Variants in KIF26B observed in about 807,000 individuals in gnomAD.
KIF26B encodes the protein kinesin family member 26B, also known as kinesin-like protein KIF26B.
In KIF26B, 63 loss-of-function variants were observed where a neutral mutation model predicts 151.2. That is an observed-to-expected ratio of 0.42 (90% CI 0.34 to 0.51). The LOEUF (loss-of-function observed/expected upper bound fraction) is 0.51, where lower values mean the gene tolerates loss of function less well. Ranked by LOEUF, KIF26B falls within the 20% of genes least tolerant of loss-of-function variation. The pLI, the probability that KIF26B is intolerant of heterozygous loss-of-function variation, is 0.07. For synonymous variants in KIF26B, 1,357 were observed against 1,262.1 expected (o/e 1.08, Z -1.59); for missense variants, 2,813 against 2,913.6 (o/e 0.97, Z 0.79).
intron 3 of KIF26B, among the ~76,000 whole-genome samples, chr1:245,391,167 T>G (rs1673690846): frequency 6.6e-6 from 1 of 152,186 alleles, no homozygotes; most frequent in Non-Finnish European, 1.5e-5. Flanking sequence ...AAATGACCTT[T>G]GCATTATGTT....
chr1:245,203,360 T>G (rs10802198), intron 2 of KIF26B, among the ~76,000 whole-genome samples: 1 of 151,996 alleles, frequency 6.6e-6, no homozygotes, highest in Non-Finnish European at 1.5e-5. Flanking sequence ...AGAATGTTTT[T>G]GGATTCACAG....
chr1:245,261,615 A>G (rs1055332744), intron 2 of KIF26B, among the ~76,000 whole-genome samples: 1 of 147,864 alleles, frequency 6.8e-6, no homozygotes, highest in African/African-American at 2.5e-5. Flanking sequence ...GACAGGGTCT[A>G]GCTGTGTTGC....
At chr1:245,392,217 C>T (rs926466861) in intron 3 of KIF26B, among the ~76,000 whole-genome samples, 6 of 152,178 alleles carry the variant, frequency 3.9e-5, no homozygotes, top group African/African-American at 9.7e-5. Flanking sequence ...AGTTCTCTTT[C>T]GCCACCACCC....
chr1:245,421,839 C>T (rs186490856), intron 4 of KIF26B, among the ~76,000 whole-genome samples: 1 of 152,180 alleles, frequency 6.6e-6, no homozygotes, highest in East Asian at 1.9e-4. Flanking sequence ...CTGGGAACCT[C>T]ATAGTACTGG....
chr1:245,572,196 C>T lies in KIF26B; in HGVS notation c.1351-30381C>T, dbSNP rs114035950. ...TACGTGGCCGTAGGAATGGTTTGCC[C>T]TTGCTCAGGACTTATTTACCTAATG... is the stretch of plus-strand genomic sequence containing the variant. On this transcript the variant is annotated intron_variant, in intron 5 of 14. Transcript: ENST00000407071. This position sits in a 1 kb window ranked among gnomAD's most constrained non-coding sequence, Gnocchi z 4.2. 3.5e-4 allele frequency among the ~76,000 whole-genome samples: 54 copies of T among 152,292 alleles called. No individual in the cohort carries two copies. Among genetic ancestry groups the T allele is most frequent in the African/African-American group, 1.3e-3 (54 of 41,548 alleles).
intron 5 of KIF26B, among the ~76,000 whole-genome samples, chr1:245,568,710 AAC>A (rs1432258293): frequency 6.6e-6 from 1 of 152,234 alleles, no homozygotes; most frequent in Non-Finnish European, 1.5e-5. Context: ...TGAAACTCAG[AAC>A]ACAGAGAAGT....
intron 2 of KIF26B, among the ~76,000 whole-genome samples, chr1:245,316,935 G>C (rs59538998): frequency 0.094 from 14,218 of 150,910 alleles, 832 homozygotes; most frequent in African/African-American, 0.16. Flanking sequence ...GTCCAGCCCG[G>C]GTGGAGGGAC....
chr1:245,220,097 C>T (rs1268725994), intron 2 of KIF26B, among the ~76,000 whole-genome samples: 2 of 152,156 alleles, frequency 1.3e-5, no homozygotes, highest in Non-Finnish European at 2.9e-5. Flanking sequence ...AGAGCTTCGG[C>T]CTCTCTCTCC....
Position 245,560,124 on chromosome 1 carries a change from G to C in KIF26B, c.1350+19174G>C, listed in dbSNP as rs997666700. On this transcript the variant is annotated intron_variant, in intron 5 of 14. Coordinates refer to ENST00000407071, the MANE Select transcript of KIF26B (RefSeq NM_018012.4). The surrounding 1 kb of genome is among the most constrained non-coding windows in gnomAD (Gnocchi z 4.3). ...CTCTTGTCCCTTCTCCAGGCACTGT[G>C]CCTGTGTCCCCTACTCCAGACCGTG... 3.3e-5 allele frequency among the ~76,000 whole-genome samples: 5 copies of C among 152,120 alleles called. No homozygotes were observed. The highest frequency in any genetic ancestry group is 1.2e-4 in the African/African-American group (5 of 41,412).
chr1:245,293,369 C>T (rs1309299817), intron 2 of KIF26B, among the ~76,000 whole-genome samples: 1 of 151,948 alleles, frequency 6.6e-6, no homozygotes. Flanking sequence ...CCTTGCAGGG[C>T]ATGGATTTGG....
intron 2 of KIF26B, among the ~76,000 whole-genome samples, chr1:245,321,734 G>T (rs1025092149): frequency 6.6e-6 from 1 of 152,208 alleles, no homozygotes; most frequent in Non-Finnish European, 1.5e-5. Context: ...TGCTGATTGA[G>T]CCGCAATTGG....
intron 2 of KIF26B, among the ~76,000 whole-genome samples, chr1:245,264,540 C>T (rs151262463): frequency 2.1e-4 from 32 of 151,924 alleles, no homozygotes; most frequent in African/African-American, 7.5e-4. Flanking sequence ...AACTTTTGGT[C>T]TCAGTGTCAT....
chr1:245,366,624 T>G (rs1672960448), intron 2 of KIF26B, among the ~76,000 whole-genome samples: 1 of 152,172 alleles, frequency 6.6e-6, no homozygotes, highest in Non-Finnish European at 1.5e-5. Context: ...TTTTGAAAGT[T>G]TTCACTATAA....
intron 3 of KIF26B, among the ~76,000 whole-genome samples, chr1:245,406,416 G>A (rs1173367789): frequency 6.6e-6 from 1 of 152,168 alleles, no homozygotes; most frequent in African/African-American, 2.4e-5. Context: ...GTGGCTCAGG[G>A]TATAATGCAC....
intron 4 of KIF26B, among the ~76,000 whole-genome samples, chr1:245,515,076 G>T (rs1198561566): frequency 2.6e-5 from 4 of 152,106 alleles, no homozygotes; most frequent in Non-Finnish European, 5.9e-5. Flanking sequence ...CTGGGTGTTT[G>T]AGTCCCAGCT....
chr1:245,503,592 G>A (rs1402478682), intron 4 of KIF26B, among the ~76,000 whole-genome samples: 1 of 152,144 alleles, frequency 6.6e-6, no homozygotes, highest in African/African-American at 2.4e-5. Flanking sequence ...CTTTTGAGAG[G>A]GATAAAAAAC....
chr1:245,273,905 C>T (rs1178802159), intron 2 of KIF26B, among the ~76,000 whole-genome samples: 2 of 152,116 alleles, frequency 1.3e-5, no homozygotes, highest in Admixed American at 6.6e-5. Context: ...TGCCATTTTG[C>T]TCATTGTTTT....
At chr1:245,359,024 T>C (rs980790574) in intron 2 of KIF26B, among the ~76,000 whole-genome samples, 1 of 150,006 alleles carries the variant, frequency 6.7e-6, no homozygotes, top group Non-Finnish European at 1.5e-5. Context: ...TTCTCTCTCT[T>C]TTTTTTTTTC....
At chr1:245,354,227 A>G (rs1672631458) in intron 2 of KIF26B, among the ~76,000 whole-genome samples, 1 of 152,238 alleles carries the variant, frequency 6.6e-6, no homozygotes, top group South Asian at 2.1e-4. Flanking sequence ...TATACCTTCA[A>G]GATGACTTTG....
Sources: gnomAD v4.1 joint callset for allele counts (sites outside exome capture counted in the v4.1 genomes callset) on GRCh38, gnomAD v4.1.1 for gene constraint, Gnocchi (gnomAD v3.1) non-coding constraint, MANE v1.5 for transcripts, NCBI Gene and HGNC (gene_info 2026-07-23, HGNC 2026-07-21) for gene names.